Variants in DYNC1LI1 observed in about 807,000 individuals in gnomAD.
DYNC1LI1 encodes the protein dynein cytoplasmic 1 light intermediate chain 1.
Under a neutral mutation model 63.8 loss-of-function variants are expected in DYNC1LI1, and 19 were observed. The observed-to-expected ratio is 0.30, with a 90% confidence interval of 0.21 to 0.44. The LOEUF (loss-of-function observed/expected upper bound fraction) is 0.44. Ranked by LOEUF, DYNC1LI1 falls within the 20% of genes least tolerant of loss-of-function variation. The pLI is 1.00. For missense variants in DYNC1LI1, 565 were observed against 630.2 expected (o/e 0.90, Z 1.11); for synonymous variants, 225 against 232.3 (o/e 0.97, Z 0.28).
At position 32,532,761 on chromosome 3, in the gene DYNC1LI1, T is replaced by G; in HGVS notation, c.1080+225A>C. On this transcript the variant is annotated intron_variant, in intron 8 of 12. Coordinates refer to ENST00000273130, the MANE Select transcript of DYNC1LI1 (RefSeq NM_016141.4). ...GATTCTGCACTAACAATTGCTAATA[T>G]AAATATGCCAAGGGCGAAGATTTAA... The G allele has an allele frequency of 4.5e-6, 3 of 668,644 alleles. No homozygotes were observed. In the Admixed American group the frequency reaches 1.4e-4, roughly 32 times the overall value. 41.4% of individuals were successfully genotyped at this position (668,644 alleles called of 1,614,324 possible).
intron 2 of DYNC1LI1, among the ~76,000 whole-genome samples, chr3:32,561,616 G>T (rs1257236922): frequency 6.7e-6 from 1 of 150,232 alleles, no homozygotes; most frequent in Non-Finnish European, 1.5e-5. Flanking sequence ...GTGACAGAGC[G>T]AGACTTCATC....
At chr3:32,567,944 T>C (rs1698291008) in intron 2 of DYNC1LI1, among the ~76,000 whole-genome samples, 1 of 152,136 alleles carries the variant, frequency 6.6e-6, no homozygotes, top group South Asian at 2.1e-4. Flanking sequence ...CTTCAGGTGA[T>C]CCGCTCACCT....
chr3:32,538,207 G>T (rs183098445), intron 5 of DYNC1LI1, among the ~76,000 whole-genome samples: 298 of 139,520 alleles, frequency 2.1e-3, no homozygotes, highest in Middle Eastern at 7.2e-3. Context: ...AGACTACCTG[G>T]GCAACATAGC....
At chr3:32,554,108 C>G (rs997933263) in intron 2 of DYNC1LI1, among the ~76,000 whole-genome samples, 2 of 152,218 alleles carry the variant, frequency 1.3e-5, no homozygotes, top group Admixed American at 1.3e-4. Flanking sequence ...AGAATCACTA[C>G]TATTTTCAGA....
chr3:32,537,811 A>T (rs139752867), intron 5 of DYNC1LI1, among the ~76,000 whole-genome samples: 39 of 136,634 alleles, frequency 2.9e-4, no homozygotes, highest in Non-Finnish European at 4.4e-4. Flanking sequence ...TAAACATTTA[A>T]TAATGGTCAT....
intron 5 of DYNC1LI1, among the ~76,000 whole-genome samples, chr3:32,537,976 ATATATAAT>A (rs1697810725): frequency 3.5e-4 from 15 of 43,366 alleles, no homozygotes; most frequent in East Asian, 1.6e-3. Context: ...ATATATATTT[ATATATAAT>A]ATATATATAT....
chr3:32,537,972 ATTTATATAT>A (rs1697809706), intron 5 of DYNC1LI1, among the ~76,000 whole-genome samples: 5 of 2,136 alleles, frequency 2.3e-3, no homozygotes, highest in East Asian at 0.028. Flanking sequence ...ATATATATAT[ATTTATATAT>A]AATATATATA....
At chr3:32,570,304 G>T (rs1365276793) in intron 2 of DYNC1LI1, 42 bp downstream of exon 2, 1 of 1,498,746 alleles carries the variant, frequency 6.7e-7, no homozygotes. Flanking sequence ...ACCCCGGGCC[G>T]CTGGGGGCCG....
At chr3:32,563,821 A>G (rs989802480) in intron 2 of DYNC1LI1, among the ~76,000 whole-genome samples, 1 of 152,252 alleles carries the variant, frequency 6.6e-6, no homozygotes, top group Non-Finnish European at 1.5e-5. Context: ...AGTCCTCTTA[A>G]CAATTCTTAA....
intron 2 of DYNC1LI1, among the ~76,000 whole-genome samples, chr3:32,559,061 T>G (rs979264797): frequency 5.3e-5 from 8 of 149,830 alleles, no homozygotes; most frequent in Non-Finnish European, 8.9e-5. Context: ...ACTACTACTT[T>G]TTTTTTTTTT....
At chr3:32,559,148 G>A (rs953440915) in intron 2 of DYNC1LI1, among the ~76,000 whole-genome samples, 3 of 151,112 alleles carry the variant, frequency 2.0e-5, no homozygotes, top group African/African-American at 4.9e-5. Flanking sequence ...TGAATTTCCC[G>A]AGTAACTTGC....
At chr3:32,569,882 A>G (rs975414866) in intron 2 of DYNC1LI1, among the ~76,000 whole-genome samples, 2 of 152,266 alleles carry the variant, frequency 1.3e-5, no homozygotes, top group African/African-American at 2.4e-5. Context: ...CGCTGAATCA[A>G]GAACATTTAT....
chr3:32,527,913 G>A (rs1559432858), intron 12 of DYNC1LI1, among the ~76,000 whole-genome samples: 1 of 151,776 alleles, frequency 6.6e-6, no homozygotes, highest in Non-Finnish European at 1.5e-5. Context: ...TTGAGGCCAG[G>A]AATTCGAGAC....
At chr3:32,537,973 T>TA (rs1553617906) in intron 5 of DYNC1LI1, among the ~76,000 whole-genome samples, 4 of 19,708 alleles carry the variant, frequency 2.0e-4, no homozygotes, top group African/African-American at 8.8e-4. Context: ...TATATATATA[T>TA]TTATATATAA....
At chr3:32,536,074 G>A (rs1426738507) in intron 6 of DYNC1LI1, among the ~76,000 whole-genome samples, 1 of 152,100 alleles carries the variant, frequency 6.6e-6, no homozygotes, top group Non-Finnish European at 1.5e-5. Context: ...GACATGAGAA[G>A]AGAAAGGCCC....
At chr3:32,538,008 AATAT>A (rs376140964) in intron 5 of DYNC1LI1, among the ~76,000 whole-genome samples, 2 of 26,244 alleles carry the variant, frequency 7.6e-5, no homozygotes, top group Admixed American at 7.5e-4. Flanking sequence ...TTATATATAT[AATAT>A]ATATATATAA....
intron 2 of DYNC1LI1, among the ~76,000 whole-genome samples, chr3:32,565,659 G>A (rs1351831948): frequency 6.6e-6 from 1 of 152,098 alleles, no homozygotes; most frequent in African/African-American, 2.4e-5. Flanking sequence ...ACCCAGGCTG[G>A]AGTGCAATGG....
intron 2 of DYNC1LI1, among the ~76,000 whole-genome samples, chr3:32,562,477 C>A (rs1038188673): frequency 6.6e-6 from 1 of 152,016 alleles, no homozygotes. Context: ...GTAGCTGGGA[C>A]AAAAGACATG....
chr3:32,563,196 A>G (rs1698215678), intron 2 of DYNC1LI1, among the ~76,000 whole-genome samples: 1 of 152,122 alleles, frequency 6.6e-6, no homozygotes, highest in Non-Finnish European at 1.5e-5. Flanking sequence ...AAAAAGAATA[A>G]AATGGTAATC....
Sources: gnomAD v4.1 joint callset for allele counts (sites outside exome capture counted in the v4.1 genomes callset) on GRCh38, gnomAD v4.1.1 for gene constraint, MANE v1.5 for transcripts, NCBI Gene and HGNC (gene_info 2026-07-23, HGNC 2026-07-21) for gene names.